NKAIN3: variants seen among roughly 807,000 people sequenced by gnomAD.
NKAIN3 encodes the protein sodium/potassium transporting ATPase interacting 3.
A neutral mutation model predicts 30.2 loss-of-function variants in NKAIN3; 25 were observed. The ratio of observed to expected loss-of-function variants is 0.83; its 90% confidence interval spans 0.60 to 1.16. The LOEUF is 1.16. Ranked by LOEUF, NKAIN3 falls within the 50% of genes most tolerant of loss-of-function variation. The pLI is 0.00. For missense variants in NKAIN3, 225 were observed against 254.1 expected (o/e 0.89, Z 0.78); for synonymous variants, 91 against 89.6 (o/e 1.02, Z -0.09).
At chr8:62,578,793 A>G (rs1404274844) in intron 1 of NKAIN3, among the ~76,000 whole-genome samples, 1 of 152,078 alleles carries the variant, frequency 6.6e-6, no homozygotes, top group Non-Finnish European at 1.5e-5. Flanking sequence ...TCACAGAAAG[A>G]CAAAGTTCAC....
chr8:62,604,311 T>C lies in NKAIN3; in HGVS notation c.273+14517T>C, dbSNP rs371293753. 1.1e-4 allele frequency among the ~76,000 whole-genome samples: 17 copies of C among 152,234 alleles called. No homozygotes were observed. The South Asian group carries it at 2.9e-3, about 26-fold the overall frequency. The stretch of plus-strand genomic sequence containing the variant: ...AATCGCCTTTGCCCTTTGGAAGCCC[T>C]CAGCATTGATTCACTTTTGCCTGCT... On this transcript the variant is annotated intron_variant, in intron 3 of 6. Transcript: ENST00000623646.
chr8:62,768,333 T>G (rs1816908265), intron 4 of NKAIN3, among the ~76,000 whole-genome samples: 1 of 152,178 alleles, frequency 6.6e-6, no homozygotes, highest in Non-Finnish European at 1.5e-5. Context: ...CACAGACATT[T>G]TTGACTCCCG....
chr8:62,430,961 C>G (rs1314221697), intron 1 of NKAIN3, among the ~76,000 whole-genome samples: 1 of 151,600 alleles, frequency 6.6e-6, no homozygotes, highest in African/African-American at 2.4e-5. Context: ...GGCATAGGGT[C>G]CAAAATAAGT....
chr8:62,631,189 T>G (rs1197203543), intron 3 of NKAIN3, among the ~76,000 whole-genome samples: 2 of 152,128 alleles, frequency 1.3e-5, no homozygotes, highest in Non-Finnish European at 2.9e-5. Flanking sequence ...TACCATCAAC[T>G]CTTTCGAAAA....
At chr8:62,555,987 GA>G (rs958044506) in intron 1 of NKAIN3, among the ~76,000 whole-genome samples, 12 of 151,232 alleles carry the variant, frequency 7.9e-5, no homozygotes, top group East Asian at 5.8e-4. Flanking sequence ...ACCTTCAAGT[GA>G]AAAAAAATGG....
chr8:62,876,538 C>T (rs1306868486), intron 4 of NKAIN3, among the ~76,000 whole-genome samples: 1 of 152,064 alleles, frequency 6.6e-6, no homozygotes, highest in Non-Finnish European at 1.5e-5. Context: ...GCACTATTTA[C>T]AATAGCAAAG....
intron 1 of NKAIN3, among the ~76,000 whole-genome samples, chr8:62,479,424 G>T (rs1585853702): frequency 6.6e-6 from 1 of 152,202 alleles, no homozygotes; most frequent in Middle Eastern, 3.4e-3. Context: ...CTTCTACATG[G>T]TGAAGCCTGA....
At chr8:62,927,575 A>G (rs1482330914) in intron 5 of NKAIN3, among the ~76,000 whole-genome samples, 4 of 152,162 alleles carry the variant, frequency 2.6e-5, no homozygotes, top group Non-Finnish European at 5.9e-5. Context: ...GGCATGTATT[A>G]AATTATCACA....
rs73683242 is a variant in NKAIN3 at position 62,759,243 on chromosome 8, T to C, written c.471+12114T>C. 9.8e-3 allele frequency among the ~76,000 whole-genome samples: 1,498 copies of C among 152,328 alleles called. 23 individuals are homozygous for C. Among genetic ancestry groups the C allele is most frequent in the African/African-American group, 0.034 (1,417 of 41,572 alleles). Reference sequence around the variant, plus strand: ...CATAGAACCTTCATGGATGGGTTGTTCTGGAGATCTAAATAAAGGATTAGT... The same window carrying C: ...CATAGAACCTTCATGGATGGGTTGTCCTGGAGATCTAAATAAAGGATTAGT... On this transcript the variant is annotated intron_variant, in intron 4 of 6. Coordinates refer to ENST00000623646, the MANE Select transcript of NKAIN3 (RefSeq NM_001304533.3).
intron 5 of NKAIN3, among the ~76,000 whole-genome samples, chr8:62,924,055 G>A (rs1822365599): frequency 6.6e-6 from 1 of 152,150 alleles, no homozygotes; most frequent in South Asian, 2.1e-4. Context: ...CCTTAAGCCA[G>A]GATTCCTGAT....
intron 6 of NKAIN3, among the ~76,000 whole-genome samples, chr8:62,956,132 C>T (rs1823411540): frequency 6.6e-6 from 1 of 152,206 alleles, no homozygotes; most frequent in Non-Finnish European, 1.5e-5. Flanking sequence ...TTTATCCAGT[C>T]TGCCTCTGTC....
At chr8:62,594,260 T>G (rs1048453240) in intron 3 of NKAIN3, among the ~76,000 whole-genome samples, 2 of 151,990 alleles carry the variant, frequency 1.3e-5, no homozygotes, top group Non-Finnish European at 2.9e-5. Context: ...CACAAATAAT[T>G]TGGTGAGCTA....
rs150548145 is a variant in NKAIN3, at chr8:62,994,772, T to C, written c.533-4459T>C. 2.6e-5 allele frequency among the ~76,000 whole-genome samples: 4 copies of C among 152,284 alleles called. No homozygotes were observed. The South Asian group carries it at 6.2e-4, about 24-fold the overall frequency. ...ATCTGGAGAGTCCTTTCAGGTGTCA[T>C]CTTAGGAAAATCTAGGTTTTCCCTT... On this transcript the variant is annotated intron_variant, in intron 5 of 5. Coordinates refer to the NKAIN3 transcript ENST00000519049.
chr8:62,572,482 A>G (rs1355000798), intron 1 of NKAIN3, among the ~76,000 whole-genome samples: 2 of 152,160 alleles, frequency 1.3e-5, no homozygotes, highest in Admixed American at 1.3e-4. Flanking sequence ...AGTCGCTTCC[A>G]CATGTTCGGG....
chr8:62,738,935 A>G (rs1815770596), intron 3 of NKAIN3, among the ~76,000 whole-genome samples: 1 of 152,210 alleles, frequency 6.6e-6, no homozygotes, highest in South Asian at 2.1e-4. Context: ...CTATGCAGCC[A>G]TAAAAAAGGA....
intron 1 of NKAIN3, among the ~76,000 whole-genome samples, chr8:62,518,267 C>T (rs147071112): frequency 2.6e-5 from 4 of 152,118 alleles, no homozygotes; most frequent in Admixed American, 6.6e-5. Flanking sequence ...GGCTGAGGCA[C>T]GAGAATTGCT....
At chr8:62,441,221 T>C (rs1165388191) in intron 1 of NKAIN3, among the ~76,000 whole-genome samples, 9 of 152,268 alleles carry the variant, frequency 5.9e-5, no homozygotes, top group Middle Eastern at 3.4e-3. Flanking sequence ...AGAGATAATA[T>C]GCTATTTTTA....
chr8:62,552,076 A>C, intron 1 of NKAIN3, among the ~76,000 whole-genome samples: 1 of 152,326 alleles, frequency 6.6e-6, no homozygotes, highest in East Asian at 1.9e-4. Context: ...CATCTTCTGT[A>C]TATTGCGGTG....
chr8:62,636,298 C>T (rs1019034101), intron 3 of NKAIN3, among the ~76,000 whole-genome samples: 5 of 152,266 alleles, frequency 3.3e-5, no homozygotes, highest in Admixed American at 3.3e-4. Flanking sequence ...AAGGGACATA[C>T]TCATTTTTTG....
Sources: gnomAD v4.1 joint callset for allele counts (sites outside exome capture counted in the v4.1 genomes callset) on GRCh38, gnomAD v4.1.1 for gene constraint, MANE v1.5 for transcripts, NCBI Gene and HGNC (gene_info 2026-07-23, HGNC 2026-07-21) for gene names.